Variants in LCORL observed in about 807,000 individuals in gnomAD.
The protein encoded by LCORL is ligand dependent nuclear receptor corepressor like, also known as ligand-dependent nuclear receptor corepressor-like protein.
In LCORL, 41 loss-of-function variants were observed where a neutral mutation model predicts 141.8. The observed-to-expected ratio is 0.29, with a 90% CI of 0.23 to 0.38. LCORL has a LOEUF of 0.38. Among genes scored for constraint, LCORL ranks in the 10% least tolerant of loss-of-function variants. The pLI is 1.00. For missense variants in LCORL, 1,759 were observed against 2,035.0 expected (o/e 0.86, Z 2.61); for synonymous variants, 618 against 694.1 (o/e 0.89, Z 1.72).
chr4:17,909,470 T>C (rs2109327687), intron 4 of LCORL, 125 bp from the exon 5 acceptor site: 1 of 566,980 alleles, frequency 1.8e-6, no homozygotes, highest in East Asian at 3.1e-5. Flanking sequence ...TAACTCCCAA[T>C]GTTTTCTGGG....
chr4:18,011,156 C>A (rs2109871932), intron 1 of LCORL, among the ~76,000 whole-genome samples: 1 of 152,272 alleles, frequency 6.6e-6, no homozygotes, highest in East Asian at 1.9e-4. Flanking sequence ...TCAAGCTATT[C>A]CTCTAACCTG....
intron 4 of LCORL, among the ~76,000 whole-genome samples, chr4:17,943,808 C>CG (rs143605804): frequency 0.019 from 2,868 of 152,096 alleles, 102 homozygotes; most frequent in African/African-American, 0.065. Flanking sequence ...GAGTTTTTGG[C>CG]GGGGGTAGGT....
intron 4 of LCORL, among the ~76,000 whole-genome samples, chr4:17,919,558 G>A (rs1364237844): frequency 6.6e-6 from 1 of 152,126 alleles, no homozygotes; most frequent in Non-Finnish European, 1.5e-5. Context: ...TGCTTTCCCA[G>A]TACCTATAAA....
intron 4 of LCORL, among the ~76,000 whole-genome samples, chr4:17,916,182 T>A (rs1003914067): frequency 4.6e-5 from 7 of 152,352 alleles, no homozygotes; most frequent in African/African-American, 1.7e-4. Flanking sequence ...TTTGTTTTCT[T>A]ACACACTGTT....
chr4:17,856,348 G>A (rs545794969), intron 7 of LCORL, among the ~76,000 whole-genome samples: 17 of 152,254 alleles, frequency 1.1e-4, no homozygotes, highest in African/African-American at 4.1e-4. Context: ...CTAATCTGAT[G>A]ACGCTGGTGT....
At chr4:17,897,777 C>T (rs1012343228) in intron 5 of LCORL, among the ~76,000 whole-genome samples, 6 of 152,152 alleles carry the variant, frequency 3.9e-5, no homozygotes, top group Non-Finnish European at 8.8e-5. Context: ...ACAAATTCGT[C>T]TTTGGGCTTC....
chr4:17,979,081 T>C (rs1717522467), intron 1 of LCORL, among the ~76,000 whole-genome samples: 1 of 152,100 alleles, frequency 6.6e-6, no homozygotes, highest in Non-Finnish European at 1.5e-5. Context: ...CAGTGTGTTA[T>C]GTTCCCCTTC....
intron 4 of LCORL, among the ~76,000 whole-genome samples, chr4:17,909,738 A>G (rs1308025986): frequency 6.6e-6 from 1 of 152,146 alleles, no homozygotes; most frequent in Non-Finnish European, 1.5e-5. Flanking sequence ...CTAATATACA[A>G]TGTGCATGCA....
intron 1 of LCORL, among the ~76,000 whole-genome samples, chr4:18,002,626 C>T (rs1286332481): frequency 6.6e-6 from 1 of 152,114 alleles, no homozygotes; most frequent in African/African-American, 2.4e-5. Context: ...GTACATCAGA[C>T]AACCAACATA....
chr4:17,842,463 A>G (rs934702002), exon 8 of LCORL: 1 of 1,034,424 alleles, frequency 9.7e-7, no homozygotes, highest in African/African-American at 1.6e-5. Context: ...TTTCTTGCGA[A>G]TGAGAGAGAA....
chr4:17,877,678 G>A (rs1348579653), exon 7 of LCORL: 12 of 1,229,192 alleles, frequency 9.8e-6, no homozygotes, highest in Non-Finnish European at 1.1e-5. Flanking sequence ...GGGGGTGAGG[G>A]ACTTCGAGAT....
intron 7 of LCORL, among the ~76,000 whole-genome samples, chr4:17,865,254 A>G (rs1467604674): frequency 6.6e-6 from 1 of 152,240 alleles, no homozygotes; most frequent in Non-Finnish European, 1.5e-5. Context: ...TCGGCCATAT[A>G]AAACATCACA....
At chr4:17,882,162 GTA>G (rs1226609195) in intron 6 of LCORL, 2 of 983,294 alleles carry the variant, frequency 2.0e-6, no homozygotes, top group Non-Finnish European at 2.4e-6. Context: ...AGTATTACAC[GTA>G]TATATGATTA....
At chr4:17,845,618 CAA>C in exon 8 of LCORL, 1 of 718,244 alleles carries the variant, frequency 1.4e-6, no homozygotes. Flanking sequence ...AATATAAAGA[CAA>C]ATCACAGGAC....
chr4:17,953,963 A>C (rs1355703799), intron 4 of LCORL, among the ~76,000 whole-genome samples: 3 of 152,170 alleles, frequency 2.0e-5, no homozygotes, highest in Admixed American at 2.0e-4. Flanking sequence ...GGAGATCGAG[A>C]CCATCCTGCA....
chr4:17,910,676 G>A (rs1366904214), intron 4 of LCORL, among the ~76,000 whole-genome samples: 1 of 152,130 alleles, frequency 6.6e-6, no homozygotes, highest in Non-Finnish European at 1.5e-5. Flanking sequence ...ATTTGGAGGT[G>A]AGGAGAGGCA....
At chr4:17,996,650 T>C (rs1223453045) in intron 1 of LCORL, among the ~76,000 whole-genome samples, 1 of 152,004 alleles carries the variant, frequency 6.6e-6, no homozygotes, top group Non-Finnish European at 1.5e-5. Flanking sequence ...ACTATATTCC[T>C]CTGTAAAATT....
At chr4:17,869,969 T>C (rs1032919020) in intron 7 of LCORL, among the ~76,000 whole-genome samples, 5 of 152,194 alleles carry the variant, frequency 3.3e-5, no homozygotes, top group Non-Finnish European at 5.9e-5. Flanking sequence ...TTCTTTTCAA[T>C]TACTGCTACT....
intron 1 of LCORL, among the ~76,000 whole-genome samples, chr4:17,973,656 T>C (rs1716400134): frequency 6.6e-6 from 1 of 151,826 alleles, no homozygotes; most frequent in South Asian, 2.1e-4. Flanking sequence ...TGTGTGGATT[T>C]GGGAGGAAAA....
Sources: allele counts gnomAD v4.1 joint callset (sites outside exome capture counted in the v4.1 genomes callset), GRCh38; gene constraint gnomAD v4.1.1; transcripts MANE v1.5; gene names NCBI Gene and HGNC (gene_info 2026-07-23, HGNC 2026-07-21).